Variants in USH2A observed in about 807,000 individuals in gnomAD.
USH2A encodes the protein Usher syndrome 2A (autosomal recessive, mild).
A neutral mutation model predicts 538.9 loss-of-function variants in USH2A; 443 were observed. The ratio of observed to expected loss-of-function variants is 0.82; its 90% CI spans 0.76 to 0.89. The LOEUF is 0.89. Among genes scored for constraint, USH2A ranks in the 40% least tolerant of loss-of-function variants. USH2A has a pLI of 0.00. For missense variants in USH2A, 6,633 were observed against 6,324.8 expected (o/e 1.05, Z -1.65); for synonymous variants, 2,413 against 2,273.5 (o/e 1.06, Z -1.75).
intron 61 of USH2A, among the ~76,000 whole-genome samples, chr1:215,727,774 A>G (rs1395305527): frequency 1.3e-5 from 2 of 152,072 alleles, no homozygotes; most frequent in African/African-American, 4.8e-5. Flanking sequence ...AAATCAGGCA[A>G]TTTTATGAAT....
intron 62 of USH2A, among the ~76,000 whole-genome samples, chr1:215,677,025 T>C (rs2102668707): frequency 1.3e-5 from 2 of 152,310 alleles, no homozygotes; most frequent in East Asian, 3.9e-4. Flanking sequence ...TCATATTTCT[T>C]CCTTTCCCCT....
chr1:216,146,442 C>T (rs4294440), intron 21 of USH2A, among the ~76,000 whole-genome samples: 2,038 of 152,292 alleles, frequency 0.013, 41 homozygotes, highest in African/African-American at 0.047. Context: ...TCTGATTATA[C>T]ACTCACGTTT....
At chr1:216,153,777 C>T (rs1290557759) in intron 21 of USH2A, among the ~76,000 whole-genome samples, 1 of 152,120 alleles carries the variant, frequency 6.6e-6, no homozygotes, top group Middle Eastern at 3.2e-3. Flanking sequence ...TTTAACAGCT[C>T]TGTAAATTAA....
chr1:215,649,490 CA>C (rs1656976769), intron 65 of USH2A, among the ~76,000 whole-genome samples: 1 of 152,168 alleles, frequency 6.6e-6, no homozygotes, highest in African/African-American at 2.4e-5. Flanking sequence ...AAAATGCATA[CA>C]ATGCCCTCCA....
At position 215,648,761 on chromosome 1, in the gene USH2A, G is replaced by A. The variant is rs770927582; in HGVS notation, c.14349C>T (p.Ser4783=). 75 of 1,613,568 alleles carry A rather than the reference G, an allele frequency of 4.6e-5. No individual in the cohort carries two copies. Among genetic ancestry groups the A allele is most frequent in the Non-Finnish European group, 5.3e-5 (62 of 1,179,702 alleles). Residue 4783 remains serine (S), a synonymous_variant, in exon 66 of 72, where the codon TCC becomes TCT. Coordinates refer to ENST00000307340, the MANE Select transcript of USH2A (RefSeq NM_206933.4). ...GAGTCTGCTGGGTGGCCATGCCTTC[G>A]GATAGCTGTGGAAGGAAGGAAGGCT... ...SSAHGAETVL[S]EGMATQQTLH...
chr1:216,000,417 TC>T lies in USH2A; in HGVS notation c.6470del (p.Arg2157LysfsTer13), dbSNP rs878853414. The T allele has an allele frequency of 2.5e-6, 4 of 1,613,576 alleles. No individual in the cohort carries two copies. Among genetic ancestry groups the T allele is most frequent in the Non-Finnish European group, 3.4e-6 (4 of 1,179,654 alleles). On this transcript the variant is annotated frameshift_variant, in exon 33 of 72. Coordinates refer to ENST00000307340, the MANE Select transcript of USH2A (RefSeq NM_206933.4). LOFTEE classifies it high-confidence loss of function. ...TTTCTACTTACTGTATGTGTATAGT[TC>T]TAGAATCCAGGACAGTCAGAACTGG... The part of the protein sequence containing the change: ...DSPVLTVLDS[R>X]TIHIQWKQPR...
At chr1:215,992,003 T>A (rs1431091103) in intron 35 of USH2A, among the ~76,000 whole-genome samples, 1 of 152,158 alleles carries the variant, frequency 6.6e-6, no homozygotes, top group Non-Finnish European at 1.5e-5. Flanking sequence ...ATAGCAGAGA[T>A]AATAATTCAC....
intron 70 of USH2A, among the ~76,000 whole-genome samples, chr1:215,631,387 A>G (rs1656279794): frequency 6.6e-6 from 1 of 152,188 alleles, no homozygotes; most frequent in Admixed American, 6.5e-5. Context: ...TGAGTAGATG[A>G]GGAGCCCACA....
chr1:216,394,825 T>C (rs529939989), intron 3 of USH2A, among the ~76,000 whole-genome samples: 3 of 150,326 alleles, frequency 2.0e-5, no homozygotes, highest in Admixed American at 6.7e-5. Flanking sequence ...TTCACGCCAT[T>C]CTCCTGCCTC....
At chr1:216,207,606 CT>C (rs1406131241) in intron 15 of USH2A, among the ~76,000 whole-genome samples, 175 bp from the exon 16 acceptor site, 4 of 151,888 alleles carry the variant, frequency 2.6e-5, no homozygotes, top group Non-Finnish European at 5.9e-5. Context: ...TAAAACAAAG[CT>C]TTTTATCTAT....
chr1:215,921,618 G>A (rs938412698), intron 38 of USH2A, among the ~76,000 whole-genome samples: 2 of 152,038 alleles, frequency 1.3e-5, no homozygotes, highest in African/African-American at 4.8e-5. Flanking sequence ...CATATGAACA[G>A]TCAGTAGAAG....
At chr1:215,718,555 C>A (rs1405189125) in intron 61 of USH2A, among the ~76,000 whole-genome samples, 1 of 152,222 alleles carries the variant, frequency 6.6e-6, no homozygotes, top group Non-Finnish European at 1.5e-5. Context: ...TGCTCTAATG[C>A]AATTCCCTCT....
chr1:215,627,339 AT>A (rs1656065837), intron 71 of USH2A, among the ~76,000 whole-genome samples: 1 of 151,544 alleles, frequency 6.6e-6, no homozygotes, highest in Non-Finnish European at 1.5e-5. Flanking sequence ...CTAGCTGGTT[AT>A]GTTTCTTTTC....
At chr1:215,722,862 A>C (rs1450945312) in intron 61 of USH2A, among the ~76,000 whole-genome samples, 1 of 152,186 alleles carries the variant, frequency 6.6e-6, no homozygotes, top group African/African-American at 2.4e-5. Flanking sequence ...TAGGTAAACC[A>C]CCTTTTTCTT....
intron 37 of USH2A, among the ~76,000 whole-genome samples, chr1:215,960,725 T>C (rs908808554): frequency 2.0e-5 from 3 of 152,092 alleles, no homozygotes; most frequent in African/African-American, 7.2e-5. Context: ...CAAGTGTAGG[T>C]TGGTTGATCT....
At chr1:216,208,114 T>C (rs957490067) in intron 15 of USH2A, among the ~76,000 whole-genome samples, 3 of 152,174 alleles carry the variant, frequency 2.0e-5, no homozygotes, top group African/African-American at 7.2e-5. Flanking sequence ...ATATATACCA[T>C]GAAAACATTG....
chr1:216,347,576 G>T (rs2038202690), intron 4 of USH2A, among the ~76,000 whole-genome samples: 1 of 152,008 alleles, frequency 6.6e-6, no homozygotes, highest in South Asian at 2.1e-4. Flanking sequence ...GCTTTCTTTG[G>T]ACTGTATTTG....
intron 9 of USH2A, among the ~76,000 whole-genome samples, chr1:216,319,683 G>T (rs531888645): frequency 6.6e-6 from 1 of 152,276 alleles, no homozygotes; most frequent in South Asian, 2.1e-4. Flanking sequence ...AAGACTCTTA[G>T]TTGAAACTGA....
chr1:215,976,773 T>C (rs980702436), intron 35 of USH2A, among the ~76,000 whole-genome samples: 6 of 152,170 alleles, frequency 3.9e-5, no homozygotes, highest in Non-Finnish European at 7.4e-5. Flanking sequence ...TGTTGAGGAC[T>C]TTTGTGTCTA....
Sources: allele counts gnomAD v4.1 joint callset (sites outside exome capture counted in the v4.1 genomes callset), GRCh38; gene constraint gnomAD v4.1.1; transcripts MANE v1.5; gene names NCBI Gene and HGNC (gene_info 2026-07-23, HGNC 2026-07-21).